Variants in CCN4 observed in about 807,000 individuals in gnomAD.
CCN4 encodes CCN family member 4.
CCN4 carries 30 observed loss-of-function variants against 36.7 expected under a neutral mutation model. That is an observed-to-expected ratio of 0.82 (90% CI 0.61 to 1.11). CCN4 has a LOEUF of 1.11. Among genes scored for constraint, CCN4 ranks in the 50% least tolerant of loss-of-function variants. CCN4 has a pLI of 0.00. For missense variants in CCN4, 505 were observed against 504.9 expected (o/e 1.00, Z 0.00); for synonymous variants, 191 against 195.4 (o/e 0.98, Z 0.19).
intron 3 of CCN4, among the ~76,000 whole-genome samples, chr8:133,224,190 A>T (rs1423211648): frequency 7.1e-6 from 1 of 141,254 alleles, no homozygotes; most frequent in Non-Finnish European, 1.5e-5. Flanking sequence ...CAGTGCTGCC[A>T]GTTGAACCCT....
chr8:133,197,684 C>T (rs762401491), intron 1 of CCN4, among the ~76,000 whole-genome samples: 11 of 152,158 alleles, frequency 7.2e-5, no homozygotes, highest in Non-Finnish European at 1.6e-4. Context: ...GCCCACCCCA[C>T]CGTCTCCAAT....
intron 1 of CCN4, among the ~76,000 whole-genome samples, chr8:133,207,782 G>T (rs1278958649): frequency 6.6e-6 from 1 of 152,164 alleles, no homozygotes; most frequent in Non-Finnish European, 1.5e-5. Flanking sequence ...GGAACAGATG[G>T]GCGGCATGTG....
intron 1 of CCN4, among the ~76,000 whole-genome samples, chr8:133,211,548 G>A (rs943613574): frequency 6.6e-6 from 1 of 152,164 alleles, no homozygotes; most frequent in Non-Finnish European, 1.5e-5. Context: ...CCCTGTAAAG[G>A]AGGAAAGAAT....
chr8:133,214,813 A>G (rs974400249), intron 2 of CCN4, among the ~76,000 whole-genome samples: 1 of 152,102 alleles, frequency 6.6e-6, no homozygotes, highest in African/African-American at 2.4e-5. Flanking sequence ...CCCCTTAACT[A>G]TGACTCCATA....
intron 1 of CCN4, among the ~76,000 whole-genome samples, chr8:133,199,770 T>G (rs887310615): frequency 1.6e-4 from 24 of 152,288 alleles, no homozygotes; most frequent in African/African-American, 4.3e-4. Flanking sequence ...TGTGCTCCAG[T>G]GCCAAGTCCT....
intron 1 of CCN4, among the ~76,000 whole-genome samples, chr8:133,196,465 T>G (rs1346987100): frequency 1.3e-5 from 2 of 152,242 alleles, no homozygotes; most frequent in African/African-American, 4.8e-5. Flanking sequence ...ATCTGTTTCG[T>G]ATTACTTTTT....
Position 133,213,055 on chromosome 8 carries a change from C to T in CCN4, c.261C>T (p.Cys87=), listed in dbSNP as rs757852115. 4 of 1,614,156 alleles carry T rather than the reference C, an allele frequency of 2.5e-6. No individual in the cohort carries two copies. The highest frequency in any genetic ancestry group is 3.4e-6 in the Non-Finnish European group (4 of 1,179,980). ...GCGCTCAGCAGCTTGGGGACAACTG[C>T]ACGGAGGCTGCCATCTGTGACCCCC... is the stretch of plus-strand genomic sequence containing the variant. The part of the protein sequence containing the change: ...KMCAQQLGDN[C]TEAAICDPHR... Residue 87 remains cysteine (C), a synonymous_variant, in exon 2 of 5, where the codon TGC becomes TGT. Coordinates refer to ENST00000250160, the MANE Select transcript of CCN4 (RefSeq NM_003882.4).
In CCN4 at chr8:133,227,625, G is replaced by T. The variant is rs746930108; in HGVS notation, c.1019G>T (p.Cys340Phe). ...CGCCAGGTCCTATGGATTAATGCCT[G>T]CTTCTGTAACCTGAGCTGTAGGAAT... ...FSRQVLWINA[C>F]FCNLSCRNPN... is the part of the protein sequence containing the mutation. The change falls in exon 5 of 5, where the codon TGC (cysteine) becomes TTC (phenylalanine). Residue 340 changes from cysteine to phenylalanine, a missense_variant. By Grantham distance (205) the Cys-to-Phe change is radical. Transcript: ENST00000250160. The T allele has an allele frequency of 1.9e-6, 3 of 1,614,246 alleles. No homozygotes were observed. Among genetic ancestry groups the T allele is most frequent in the Non-Finnish European group, 2.5e-6 (3 of 1,180,042 alleles).
intron 3 of CCN4, among the ~76,000 whole-genome samples, chr8:133,225,000 A>T (rs1388859073): frequency 6.6e-6 from 1 of 152,040 alleles, no homozygotes; most frequent in African/African-American, 2.4e-5. Context: ...CTCAGTAAAA[A>T]TCTAGGCCTT....
chr8:133,193,484 T>TGAC (rs775877939), intron 1 of CCN4, among the ~76,000 whole-genome samples: 1 of 152,202 alleles, frequency 6.6e-6, no homozygotes, highest in African/African-American at 2.4e-5. Context: ...ATTGCAAATA[T>TGAC]GACTTATGCT....
At chr8:133,213,823 T>C (rs1854161272) in intron 2 of CCN4, among the ~76,000 whole-genome samples, 1 of 145,342 alleles carries the variant, frequency 6.9e-6, no homozygotes, top group Non-Finnish European at 1.5e-5. Context: ...ACACTATATA[T>C]AGTAGTTAAA....
intron 1 of CCN4, among the ~76,000 whole-genome samples, chr8:133,193,336 A>G (rs1274210747): frequency 6.6e-6 from 1 of 152,238 alleles, no homozygotes; most frequent in Non-Finnish European, 1.5e-5. Flanking sequence ...TCTGGGAGAT[A>G]TGAAAGCACT....
At chr8:133,198,203 C>T (rs550494653) in intron 1 of CCN4, among the ~76,000 whole-genome samples, 1 of 152,322 alleles carries the variant, frequency 6.6e-6, no homozygotes, top group East Asian at 1.9e-4. Context: ...GGAGCTCACG[C>T]TGCTGCTTCT....
chr8:133,194,448 T>A (rs1853248687), intron 1 of CCN4, among the ~76,000 whole-genome samples: 1 of 76,136 alleles, frequency 1.3e-5, no homozygotes, highest in Non-Finnish European at 2.3e-5. Flanking sequence ...GTGTGGTGTG[T>A]GTGTGGTATG....
intron 3 of CCN4, among the ~76,000 whole-genome samples, chr8:133,222,870 G>T (rs1342431057): frequency 2.0e-5 from 3 of 151,852 alleles, no homozygotes; most frequent in African/African-American, 7.3e-5. Context: ...CTCAAGCTCG[G>T]CACTGTCAAC....
At chr8:133,199,851 G>A (rs1411999371) in intron 1 of CCN4, among the ~76,000 whole-genome samples, 2 of 152,126 alleles carry the variant, frequency 1.3e-5, no homozygotes, top group African/African-American at 4.8e-5. Flanking sequence ...GTGAGCCAAG[G>A]CCCACGGCGA....
intron 2 of CCN4, among the ~76,000 whole-genome samples, chr8:133,213,841 T>TATATACACTATATATAGTAGTTAAATATA (rs1473768800): frequency 7.6e-6 from 1 of 131,696 alleles, no homozygotes; most frequent in East Asian, 3.7e-4. Flanking sequence ...AAATATACTA[T>TATATACACTATATATAGTAGTTAAATATA]ATATACACTA....
chr8:133,230,966 C>T lies in CCN4; in HGVS notation c.*3256C>T, dbSNP rs900616861. On this transcript the variant is annotated 3_prime_UTR_variant, in exon 5 of 5. Transcript: ENST00000250160. ...GAACAGCAGACCAAGACTGGAAACC[C>T]AGGATAGTCTGATACCTGAGCCATC... The T allele has an allele frequency of 2.6e-5, 4 of 152,142 alleles. No individual in the cohort carries two copies. The highest frequency in any genetic ancestry group is 9.7e-5 in the African/African-American group (4 of 41,418). The allele number at this position is 152,142 out of a possible 1,614,324, so 9.4% of individuals were successfully genotyped here.
At chr8:133,210,576 C>G (rs1289945466) in intron 1 of CCN4, among the ~76,000 whole-genome samples, 1 of 152,156 alleles carries the variant, frequency 6.6e-6, no homozygotes, top group East Asian at 1.9e-4. Context: ...CTTCCAAGGC[C>G]ACATCGCCCA....
Sources: gnomAD v4.1 joint callset for allele counts (sites outside exome capture counted in the v4.1 genomes callset) on GRCh38, gnomAD v4.1.1 for gene constraint, MANE v1.5 for transcripts, NCBI Gene and HGNC (gene_info 2026-07-23, HGNC 2026-07-21) for gene names.